Variants in ACACA observed in about 807,000 individuals in gnomAD.
ACACA encodes the protein acetyl-CoA carboxylase 1.
In ACACA, 103 loss-of-function variants were observed where a neutral mutation model predicts 296.1. That is an observed-to-expected ratio of 0.35 (90% confidence interval 0.30 to 0.41). The LOEUF is 0.41. Ranked by LOEUF, ACACA falls within the 10% of genes least tolerant of loss-of-function variation. The pLI is 1.00. For synonymous variants in ACACA, 953 were observed against 1,038.6 expected (o/e 0.92, Z 1.58); for missense variants, 1,554 against 2,989.7 (o/e 0.52, Z 11.20).
At chr17:37,291,337 C>T (rs141315920) in intron 3 of ACACA, among the ~76,000 whole-genome samples, 1,592 of 151,838 alleles carry the variant, frequency 0.01, 33 homozygotes, top group African/African-American at 0.035. Flanking sequence ...CCACCATGCC[C>T]GGCTAATTTT....
chr17:37,405,074 T>C (rs2030285), intron 1 of ACACA, among the ~76,000 whole-genome samples: 37,010 of 152,032 alleles, frequency 0.24, 4,612 homozygotes, highest in Middle Eastern at 0.37. Context: ...CATTTCAGGG[T>C]CACTGCACTT....
At chr17:37,100,964 G>A (rs2073326523) in intron 52 of ACACA, among the ~76,000 whole-genome samples, 1 of 152,086 alleles carries the variant, frequency 6.6e-6, no homozygotes, top group Non-Finnish European at 1.5e-5. Context: ...AGGCATGGTG[G>A]CACATGCTTG....
intron 2 of ACACA, among the ~76,000 whole-genome samples, chr17:37,335,412 C>T (rs921034811): frequency 2.0e-5 from 3 of 152,184 alleles, no homozygotes; most frequent in Non-Finnish European, 4.4e-5. Flanking sequence ...ACACAGCCAA[C>T]TCCCAATGCA....
At chr17:37,151,173 ATATAAT>A (rs1274651393) in intron 44 of ACACA, 122 bp downstream of exon 44, 43 of 1,075,358 alleles carry the variant, frequency 4.0e-5, no homozygotes, top group Non-Finnish European at 5.8e-5. Flanking sequence ...TGTGATTAAA[ATATAAT>A]TATAGACATA....
intron 1 of ACACA, among the ~76,000 whole-genome samples, chr17:37,382,091 C>CTA (rs1555669618): frequency 6.6e-6 from 1 of 151,924 alleles, no homozygotes; most frequent in Non-Finnish European, 1.5e-5. Flanking sequence ...TACTCAGTAT[C>CTA]TATATATATT....
At chr17:37,270,698 A>C in intron 10 of ACACA, 53 bp downstream of exon 10, 1 of 1,316,616 alleles carries the variant, frequency 7.6e-7, no homozygotes, top group Non-Finnish European at 1.1e-6. Context: ...GTTAAATCAT[A>C]TATCTCTGAT....
intron 50 of ACACA, among the ~76,000 whole-genome samples, chr17:37,119,057 G>C (rs1013335752): frequency 6.6e-5 from 10 of 152,148 alleles, no homozygotes; most frequent in Non-Finnish European, 1.5e-5. Flanking sequence ...CCCACAAAGA[G>C]ATAAGTAAGG....
intron 1 of ACACA, among the ~76,000 whole-genome samples, chr17:37,362,201 C>A (rs2049430144): frequency 6.6e-6 from 1 of 152,178 alleles, no homozygotes; most frequent in Non-Finnish European, 1.5e-5. Flanking sequence ...TGAGGAAATG[C>A]ATTTCTGTTG....
intron 33 of ACACA, among the ~76,000 whole-genome samples, chr17:37,202,132 G>A (rs1248663574): frequency 6.6e-6 from 1 of 152,112 alleles, no homozygotes; most frequent in Non-Finnish European, 1.5e-5. Flanking sequence ...TCTCAGTGTG[G>A]CCAGGAACAG....
At chr17:37,350,712 G>T (rs1198863547) in intron 1 of ACACA, among the ~76,000 whole-genome samples, 1 of 152,146 alleles carries the variant, frequency 6.6e-6, no homozygotes, top group Non-Finnish European at 1.5e-5. Flanking sequence ...GGTGGCGCAT[G>T]CCTGTAATCC....
At chr17:37,172,746 A>G (rs918632511) in intron 41 of ACACA, among the ~76,000 whole-genome samples, 1 of 152,224 alleles carries the variant, frequency 6.6e-6, no homozygotes, top group African/African-American at 2.4e-5. Flanking sequence ...AATCATAATT[A>G]TACATAATCA....
intron 3 of ACACA, among the ~76,000 whole-genome samples, chr17:37,320,240 A>T (rs528801205): frequency 6.6e-6 from 1 of 152,070 alleles, no homozygotes; most frequent in South Asian, 2.1e-4. Context: ...GCCTGGGCGC[A>T]GTGGCTCACG....
intron 3 of ACACA, among the ~76,000 whole-genome samples, chr17:37,288,899 G>A (rs1482636914): frequency 2.7e-5 from 4 of 149,864 alleles, no homozygotes; most frequent in South Asian, 2.1e-4. Flanking sequence ...TCCTGCCCCC[G>A]CTCCACCAAA....
intron 3 of ACACA, among the ~76,000 whole-genome samples, chr17:37,296,695 G>A (rs2083349877): frequency 6.6e-6 from 1 of 151,944 alleles, no homozygotes; most frequent in African/African-American, 2.4e-5. Context: ...TCTTGACATA[G>A]TGGTAATTAG....
chr17:37,234,438 G>GA (rs941288419), intron 25 of ACACA, among the ~76,000 whole-genome samples: 50 of 151,880 alleles, frequency 3.3e-4, no homozygotes, highest in Non-Finnish European at 4.3e-4. Flanking sequence ...AAGTTATAGG[G>GA]AAAAAAATCA....
At chr17:37,241,636 G>A (rs2080410972) in intron 23 of ACACA, among the ~76,000 whole-genome samples, 1 of 152,140 alleles carries the variant, frequency 6.6e-6, no homozygotes, top group African/African-American at 2.4e-5. Context: ...AGCCTCAGGA[G>A]GTTGAGGCTG....
At chr17:37,358,989 C>G (rs1431456632) in intron 1 of ACACA, 10 of 985,426 alleles carry the variant, frequency 1.0e-5, no homozygotes, top group Non-Finnish European at 1.2e-5. Flanking sequence ...TGGGCCGGCC[C>G]TCACCTCACC....
chr17:37,205,681 A>T, intron 33 of ACACA, 84 bp downstream of exon 33: 1 of 1,084,484 alleles, frequency 9.2e-7, no homozygotes, highest in Middle Eastern at 2.0e-4. Flanking sequence ...CATAGCCATA[A>T]ACTAGCAACT....
In ACACA at chr17:37,154,788, C is replaced by T. The variant is rs9914270; in HGVS notation, c.5447+895G>A. ...CTGGGATTACAGGCGTGAAACACTG[C>T]GCCCAGCCAAGCAATTAACATTCTT... On this transcript the variant is annotated intron_variant, in intron 43 of 55. Coordinates refer to ENST00000616317, the MANE Select transcript of ACACA (RefSeq NM_198834.3). Among the ~76,000 whole-genome samples, 1,464 of 152,278 alleles carry T rather than the reference C, an allele frequency of 9.6e-3. 22 individuals are homozygous for T. Among genetic ancestry groups the T allele is most frequent in the African/African-American group, 0.033 (1,390 of 41,538 alleles).
Sources: allele counts gnomAD v4.1 joint callset (sites outside exome capture counted in the v4.1 genomes callset), GRCh38; gene constraint gnomAD v4.1.1; transcripts MANE v1.5; gene names NCBI Gene and HGNC (gene_info 2026-07-23, HGNC 2026-07-21).